NRXN3: variants seen among roughly 807,000 people sequenced by gnomAD.
NRXN3 encodes neurexin III.
Under a neutral mutation model 137.6 loss-of-function variants are expected in NRXN3, and 32 were observed. The ratio of observed to expected loss-of-function variants is 0.23; its 90% confidence interval spans 0.18 to 0.31. NRXN3 has a LOEUF of 0.31. Among genes scored for constraint, NRXN3 ranks in the 10% least tolerant of loss-of-function variants. The pLI is 1.00. For synonymous variants in NRXN3, 798 were observed against 784.5 expected, an observed-to-expected ratio of 1.02 and a Z score of -0.29; for missense variants, 1,574 against 2,062.5, an observed-to-expected ratio of 0.76 and a Z score of 4.59.
At chr14:78,307,463 C>G (rs1226190950) in intron 4 of NRXN3, among the ~76,000 whole-genome samples, 2 of 152,020 alleles carry the variant, frequency 1.3e-5, no homozygotes, top group Non-Finnish European at 2.9e-5. Flanking sequence ...AAGGATTAAC[C>G]TTGTGAGACA....
chr14:78,594,794 T>C (rs891129538), intron 4 of NRXN3, among the ~76,000 whole-genome samples: 5 of 152,190 alleles, frequency 3.3e-5, no homozygotes, highest in Non-Finnish European at 1.5e-5. Flanking sequence ...TCAAAAAAAG[T>C]CTTCTGAGGA....
At chr14:78,440,194 A>G (rs1349957535) in intron 4 of NRXN3, among the ~76,000 whole-genome samples, 2 of 152,292 alleles carry the variant, frequency 1.3e-5, no homozygotes, top group East Asian at 1.9e-4. Context: ...TGAGACAGTT[A>G]ATCATTTGTT....
intron 2 of NRXN3, among the ~76,000 whole-genome samples, chr14:78,259,136 AAAAAAAAAAAG>A (rs2070234679): frequency 6.6e-6 from 1 of 151,780 alleles, no homozygotes; most frequent in Non-Finnish European, 1.5e-5. Context: ...CATCTCAAAA[AAAAAAAAAAAG>A]AAAGAAAAAA....
chr14:78,552,961 C>T (rs2096706700), intron 4 of NRXN3, among the ~76,000 whole-genome samples: 1 of 152,074 alleles, frequency 6.6e-6, no homozygotes, highest in African/African-American at 2.4e-5. Context: ...ATTAAATTAT[C>T]ACATATATCT....
chr14:78,356,457 G>A (rs996394759), intron 4 of NRXN3, among the ~76,000 whole-genome samples: 6 of 152,186 alleles, frequency 3.9e-5, no homozygotes, highest in African/African-American at 1.2e-4. Flanking sequence ...CTCCTCCCAG[G>A]TCTTCAGTGA....
At chr14:78,284,544 C>G (rs1445717906) in intron 3 of NRXN3, among the ~76,000 whole-genome samples, 5 of 152,204 alleles carry the variant, frequency 3.3e-5, no homozygotes, top group Non-Finnish European at 5.9e-5. Flanking sequence ...TCGGGGTTCA[C>G]ATAAGTTATC....
At chr14:78,713,941 A>G (rs560680405) in intron 7 of NRXN3, among the ~76,000 whole-genome samples, 124 of 152,320 alleles carry the variant, frequency 8.1e-4, no homozygotes, top group Non-Finnish European at 1.3e-3. Context: ...AACACAGCCA[A>G]ACCATATCAT....
At chr14:79,854,191 C>A in intron 20 of NRXN3, 1 of 973,924 alleles carries the variant, frequency 1.0e-6, no homozygotes, top group Non-Finnish European at 1.2e-6. Flanking sequence ...TCTTTCATGC[C>A]AAAAAACATG....
chr14:78,709,458 A>G lies in NRXN3; in HGVS notation c.1463A>G (p.His488Arg). The G allele has an allele frequency of 1.2e-6, 2 of 1,614,124 alleles. No homozygotes were observed. The highest frequency in any genetic ancestry group is 1.7e-6 in the Non-Finnish European group (2 of 1,180,016). The part of the protein sequence containing the change: ...TEPNGLILFT[H>R]GKPQERKDAR... ...CCCAATGGCCTGATCCTCTTCACTC[A>G]TGGAAAGCCCCAAGAGAGGAAGGAT... Residue 488 changes from histidine (H) to arginine (R), a missense_variant, in exon 7 of 21, where the codon CAT (histidine) becomes CGT (arginine). His to Arg is a conservative substitution (Grantham distance 29). This residue lies in a region of NRXN3 where 718 missense variants were observed against 887.6 expected (regional missense o/e 0.81). Coordinates refer to ENST00000335750, the MANE Select transcript of NRXN3 (RefSeq NM_001330195.2).
In NRXN3 at chr14:78,967,205, T is replaced by G; in HGVS notation, c.2778-3T>G. 7 of 1,575,742 alleles carry G rather than the reference T, an allele frequency of 4.4e-6. No homozygotes were observed. Among genetic ancestry groups the G allele is most frequent in the Non-Finnish European group, 6.0e-6 (7 of 1,159,846 alleles). On this transcript the variant is annotated splice_polypyrimidine_tract_variant and splice_region_variant and intron_variant, in intron 12 of 20. Transcript: ENST00000335750. The stretch of plus-strand genomic sequence containing the variant: ...TATTGTTTTTTTTTTTTTTTCTTCC[T>G]AGGTATATACACTACGTTTTTGACC...
intron 15 of NRXN3, among the ~76,000 whole-genome samples, chr14:79,144,050 G>C (rs1200137703): frequency 6.6e-6 from 1 of 152,174 alleles, no homozygotes; most frequent in African/African-American, 2.4e-5. Flanking sequence ...TTCATTGTTA[G>C]AAATAGCCAA....
intron 15 of NRXN3, among the ~76,000 whole-genome samples, chr14:79,023,770 G>A (rs891092430): frequency 6.6e-6 from 1 of 152,062 alleles, no homozygotes; most frequent in East Asian, 1.9e-4. Flanking sequence ...CACAAGAACA[G>A]CATGGGGTAA....
chr14:79,013,045 T>C (rs944893954), intron 15 of NRXN3, among the ~76,000 whole-genome samples: 7 of 152,134 alleles, frequency 4.6e-5, no homozygotes, highest in African/African-American at 1.7e-4. Context: ...AAACACATGG[T>C]GTATGTGTAT....
intron 15 of NRXN3, among the ~76,000 whole-genome samples, chr14:79,011,429 GAA>G (rs759463585): frequency 1.7e-4 from 7 of 41,350 alleles, no homozygotes; most frequent in African/African-American, 5.0e-4. Context: ...GTTGGTCCAG[GAA>G]AAAAAAAAAA....
At chr14:78,579,778 A>G (rs2096974459) in intron 4 of NRXN3, among the ~76,000 whole-genome samples, 1 of 152,178 alleles carries the variant, frequency 6.6e-6, no homozygotes, top group African/African-American at 2.4e-5. Flanking sequence ...TCTCATTGCC[A>G]CAGTCTGCAC....
intron 15 of NRXN3, among the ~76,000 whole-genome samples, chr14:79,274,729 T>C (rs775263555): frequency 6.6e-6 from 1 of 152,152 alleles, no homozygotes; most frequent in Admixed American, 6.5e-5. Context: ...CTTAAAGTAA[T>C]GTGTATAAGT....
At chr14:79,188,276 A>G (rs1011898323) in intron 15 of NRXN3, among the ~76,000 whole-genome samples, 1 of 152,210 alleles carries the variant, frequency 6.6e-6, no homozygotes, top group African/African-American at 2.4e-5. Context: ...AGCATTAAGA[A>G]GTATTTCCAA....
chr14:79,441,541 G>A (rs565311704), intron 15 of NRXN3, among the ~76,000 whole-genome samples: 8 of 151,664 alleles, frequency 5.3e-5, no homozygotes, highest in East Asian at 3.9e-4. Flanking sequence ...CACCGCACCC[G>A]GCTAATTTGT....
At chr14:78,653,558 T>C (rs1015410543) in intron 6 of NRXN3, among the ~76,000 whole-genome samples, 1 of 152,168 alleles carries the variant, frequency 6.6e-6, no homozygotes, top group Non-Finnish European at 1.5e-5. Flanking sequence ...TACCTCTCCA[T>C]TATATACTTA....
Sources: gnomAD v4.1 joint callset for allele counts (sites outside exome capture counted in the v4.1 genomes callset) on GRCh38, gnomAD v4.1.1 for gene constraint, gnomAD v4.1.1 regional missense constraint, MANE v1.5 for transcripts, NCBI Gene and HGNC (gene_info 2026-07-23, HGNC 2026-07-21) for gene names.